The following MTHFD1L variants were observed in gnomAD, a reference collection of about 807,000 sequenced individuals.
MTHFD1L encodes the protein monofunctional C1-tetrahydrofolate synthase, mitochondrial.
MTHFD1L carries 81 observed loss-of-function variants against 119.5 expected under a neutral mutation model. That is an observed-to-expected ratio of 0.68 (90% CI 0.57 to 0.82). MTHFD1L has a LOEUF of 0.82. Ranked by LOEUF, MTHFD1L falls within the 40% of genes least tolerant of loss-of-function variation. The pLI is 0.00. For missense variants in MTHFD1L, 1,125 were observed against 1,253.4 expected (o/e 0.90, Z 1.55); for synonymous variants, 430 against 475.2 (o/e 0.90, Z 1.24).
chr6:151,086,704 G>C (rs746495030), intron 26 of MTHFD1L, among the ~76,000 whole-genome samples: 10 of 151,628 alleles, frequency 6.6e-5, no homozygotes, highest in Non-Finnish European at 1.3e-4. Flanking sequence ...ATTTTTGTTT[G>C]TTTTTTGTAG....
chr6:150,913,408 G>T (rs1037435666), intron 8 of MTHFD1L, among the ~76,000 whole-genome samples: 1 of 151,802 alleles, frequency 6.6e-6, no homozygotes, highest in Non-Finnish European at 1.5e-5. Context: ...CTGGTCATCC[G>T]CCCGACTCGG....
intron 10 of MTHFD1L, among the ~76,000 whole-genome samples, chr6:150,923,306 T>G (rs1330799950): frequency 6.6e-6 from 1 of 152,022 alleles, no homozygotes; most frequent in Non-Finnish European, 1.5e-5. Flanking sequence ...TTAGAATGAT[T>G]GGGTAGGGAT....
At chr6:150,986,766 A>G (rs922709505) in intron 20 of MTHFD1L, among the ~76,000 whole-genome samples, 1 of 152,132 alleles carries the variant, frequency 6.6e-6, no homozygotes, top group Non-Finnish European at 1.5e-5. Flanking sequence ...GTGCAGTGGC[A>G]CAATATCGGC....
chr6:150,976,469 C>A (rs4869706), intron 20 of MTHFD1L, among the ~76,000 whole-genome samples: 2 of 152,178 alleles, frequency 1.3e-5, no homozygotes, highest in Non-Finnish European at 1.5e-5. Context: ...GACAAAAAGA[C>A]GTTCATTTCA....
At chr6:151,087,386 A>G (rs1793924313) in intron 26 of MTHFD1L, among the ~76,000 whole-genome samples, 1 of 152,170 alleles carries the variant, frequency 6.6e-6, no homozygotes, top group Admixed American at 6.5e-5. Flanking sequence ...TCCATCAGAG[A>G]AGGAAAGAAA....
intron 20 of MTHFD1L, among the ~76,000 whole-genome samples, chr6:150,973,902 T>G (rs1297536246): frequency 6.6e-6 from 1 of 152,220 alleles, no homozygotes; most frequent in Non-Finnish European, 1.5e-5. Flanking sequence ...GCTCAATTTT[T>G]TATTTAATAA....
At chr6:151,079,273 C>CT (rs35151114) in intron 26 of MTHFD1L, among the ~76,000 whole-genome samples, 37,232 of 151,702 alleles carry the variant, frequency 0.25, 4,708 homozygotes, top group South Asian at 0.33. Flanking sequence ...TATGAAGGAG[C>CT]TAAGTCCCCA....
At chr6:150,916,737 C>CTTTTTTTTTTTT (rs57961829) in intron 8 of MTHFD1L, among the ~76,000 whole-genome samples, 4 of 72,112 alleles carry the variant, frequency 5.5e-5, no homozygotes, top group African/African-American at 1.7e-4. Context: ...GATTCTATCC[C>CTTTTTTTTTTTT]TTTTTTTTTT....
At chr6:150,896,335 GA>G (rs1439282466) in intron 7 of MTHFD1L, among the ~76,000 whole-genome samples, 2 of 152,292 alleles carry the variant, frequency 1.3e-5, no homozygotes, top group East Asian at 3.9e-4. Flanking sequence ...TCCCCTCCCT[GA>G]GGCCTGGGGC....
At chr6:151,011,182 C>T (rs2128483656) in intron 21 of MTHFD1L, among the ~76,000 whole-genome samples, 1 of 152,326 alleles carries the variant, frequency 6.6e-6, no homozygotes, top group East Asian at 1.9e-4. Context: ...AAAGCTTCAT[C>T]ATCATTTCAA....
In MTHFD1L at chr6:150,935,161, T is replaced by C. The variant is rs1791836298; in HGVS notation, c.1257-1643T>C. On this transcript the variant is annotated intron_variant, in intron 11 of 27. Coordinates refer to ENST00000367321, the MANE Select transcript of MTHFD1L (RefSeq NM_015440.5). ...AGAAAATTAAGGTAAGCTTGGGAAATTCTAAAACAGTCACTTTTCACTTCT... is the reference window on the plus strand; with the variant it reads ...AGAAAATTAAGGTAAGCTTGGGAAACTCTAAAACAGTCACTTTTCACTTCT... The C allele has an allele frequency of 2.5e-6, 4 of 1,612,594 alleles. No individual in the cohort carries two copies. The Admixed American group carries it at 6.7e-5, about 27-fold the overall frequency.
chr6:150,914,543 C>G (rs1787517340), intron 8 of MTHFD1L, among the ~76,000 whole-genome samples: 1 of 151,918 alleles, frequency 6.6e-6, no homozygotes, highest in Non-Finnish European at 1.5e-5. Context: ...CTTGCAATCC[C>G]AACTACTCAG....
At chr6:150,876,425 A>G (rs938377472) in intron 2 of MTHFD1L, among the ~76,000 whole-genome samples, 7 of 152,180 alleles carry the variant, frequency 4.6e-5, no homozygotes, top group Non-Finnish European at 7.3e-5. Context: ...AAGCACTTAC[A>G]TGCATTGCAT....
chr6:151,034,284 T>A (rs1007374237), intron 24 of MTHFD1L, among the ~76,000 whole-genome samples: 2 of 152,144 alleles, frequency 1.3e-5, no homozygotes, highest in Non-Finnish European at 2.9e-5. Context: ...TATTTGCTAG[T>A]TGACATCTGA....
At chr6:150,896,097 G>A (rs1784163549) in intron 7 of MTHFD1L, among the ~76,000 whole-genome samples, 1 of 152,104 alleles carries the variant, frequency 6.6e-6, no homozygotes, top group Admixed American at 6.6e-5. Context: ...AAATGGTAGA[G>A]GTGGCAAAAC....
intron 1 of MTHFD1L, chr6:150,875,875 A>T: frequency 2.1e-6 from 1 of 486,558 alleles, no homozygotes; most frequent in Non-Finnish European, 3.7e-6. Context: ...CCCTCTGCAT[A>T]TTTTAAAAAC....
intron 13 of MTHFD1L, among the ~76,000 whole-genome samples, chr6:150,942,996 T>C (rs803448): frequency 0.65 from 99,544 of 152,012 alleles, 33,431 homozygotes; most frequent in African/African-American, 0.81. Flanking sequence ...TATCAAGATC[T>C]CAAAGGCCGG....
chr6:150,943,402 G>A (rs906943949), intron 13 of MTHFD1L, among the ~76,000 whole-genome samples: 6 of 152,192 alleles, frequency 3.9e-5, no homozygotes, highest in Admixed American at 2.0e-4. Flanking sequence ...GGGCTGAAGC[G>A]AGAGGATCAC....
intron 10 of MTHFD1L, among the ~76,000 whole-genome samples, 168 bp downstream of exon 10, chr6:150,922,470 T>TC (rs1789125698): frequency 6.6e-6 from 1 of 152,198 alleles, no homozygotes; most frequent in African/African-American, 2.4e-5. Context: ...TCTCCAAAAT[T>TC]AAATCATAAT....
Sources: gnomAD v4.1 joint callset for allele counts (sites outside exome capture counted in the v4.1 genomes callset) on GRCh38, gnomAD v4.1.1 for gene constraint, MANE v1.5 for transcripts, NCBI Gene and HGNC (gene_info 2026-07-23, HGNC 2026-07-21) for gene names.